Variants in B4GALNT3 observed in about 807,000 individuals in gnomAD.
B4GALNT3 encodes the protein beta-1,4-N-acetyl-galactosaminyltransferase 3, also known as beta-1,4-N-acetylgalactosaminyltransferase 3.
In B4GALNT3, 86 loss-of-function variants were observed where a neutral mutation model predicts 120.2. That is an observed-to-expected ratio of 0.72 (90% confidence interval 0.60 to 0.86). The LOEUF (loss-of-function observed/expected upper bound fraction) is 0.86. B4GALNT3 is among the 40% of genes least tolerant of loss of function. The pLI is 0.00. For synonymous variants in B4GALNT3, 518 were observed against 510.4 expected (o/e 1.01, Z -0.20); for missense variants, 1,167 against 1,298.9 (o/e 0.90, Z 1.56).
intron 1 of B4GALNT3, among the ~76,000 whole-genome samples, chr12:464,753 G>C (rs1053148749): frequency 6.6e-6 from 1 of 152,216 alleles, no homozygotes; most frequent in Non-Finnish European, 1.5e-5. Context: ...TTAAGTGCCA[G>C]GATTACTTGC....
chr12:549,106 G>A (rs1348964051), intron 9 of B4GALNT3, among the ~76,000 whole-genome samples: 1 of 152,066 alleles, frequency 6.6e-6, no homozygotes, highest in African/African-American at 2.4e-5. Context: ...CCATCCTCAG[G>A]CCCCGTTGAA....
chr12:496,917 G>A (rs985183905), intron 1 of B4GALNT3, among the ~76,000 whole-genome samples: 4 of 152,284 alleles, frequency 2.6e-5, no homozygotes, highest in African/African-American at 9.6e-5. Flanking sequence ...TTGCTCTGCC[G>A]CCCAGGCTGG....
chr12:544,903 C>A lies in B4GALNT3; in HGVS notation c.469C>A (p.Leu157Ile). ...YPHIRTTLRKLAVSPKWTNYG... is the reference protein window; with the variant it reads ...YPHIRTTLRKIAVSPKWTNYG... ...ATAGATTCGCACAACCCTGAGGAAG[C>A]TTGCTGTGTCCCCCAAATGGACCAA... is the stretch of plus-strand genomic sequence containing the variant. The change falls in exon 5 of 20, where the codon CTT (leucine) becomes ATT (isoleucine). Residue 157 changes from leucine to isoleucine, a missense_variant. By Grantham distance (5) the Leu-to-Ile change is conservative. Coordinates refer to ENST00000266383, the MANE Select transcript of B4GALNT3 (RefSeq NM_173593.4). 1 of 1,614,044 alleles carries A rather than the reference C, an allele frequency of 6.2e-7. No homozygotes were observed. The highest frequency in any genetic ancestry group is 1.3e-5 in the African/African-American group (1 of 75,036).
intron 1 of B4GALNT3, among the ~76,000 whole-genome samples, chr12:506,171 A>G (rs1046083888): frequency 1.3e-5 from 2 of 152,090 alleles, no homozygotes; most frequent in Non-Finnish European, 2.9e-5. Context: ...GGCATCCATG[A>G]TGGATCTGCT....
intron 1 of B4GALNT3, among the ~76,000 whole-genome samples, chr12:471,318 G>T (rs555020241): frequency 6.6e-6 from 1 of 151,564 alleles, no homozygotes; most frequent in South Asian, 2.1e-4. Context: ...CCAGGAGGCG[G>T]AGGTTTCAGG....
intron 1 of B4GALNT3, among the ~76,000 whole-genome samples, chr12:511,966 A>ACCTTCCG (rs1484388881): frequency 1.1e-5 from 1 of 89,316 alleles, no homozygotes; most frequent in African/African-American, 4.5e-5. Context: ...TCCACCTTCC[A>ACCTTCCG]CCTTCCGCCT....
intron 1 of B4GALNT3, among the ~76,000 whole-genome samples, chr12:512,929 CCTTCCACCTTCCACCTT>C (rs1565599050): frequency 6.7e-6 from 1 of 149,396 alleles, no homozygotes; most frequent in African/African-American, 2.5e-5. Context: ...CTGCCTTCCA[CCTTCCACCTTCCACCTT>C]CTTCCACCTT....
At chr12:554,309 C>A (rs1350058389) in intron 14 of B4GALNT3, among the ~76,000 whole-genome samples, 1 of 152,186 alleles carries the variant, frequency 6.6e-6, no homozygotes, top group Non-Finnish European at 1.5e-5. Flanking sequence ...GACAAACAGG[C>A]AAAACAGAGG....
chr12:505,236 A>G (rs1299081498), intron 1 of B4GALNT3, among the ~76,000 whole-genome samples: 1 of 152,192 alleles, frequency 6.6e-6, no homozygotes, highest in Non-Finnish European at 1.5e-5. Flanking sequence ...TAATGAGTGA[A>G]TTAATTAGTT....
At chr12:514,688 T>C (rs1946635107) in intron 1 of B4GALNT3, among the ~76,000 whole-genome samples, 1 of 151,884 alleles carries the variant, frequency 6.6e-6, no homozygotes, top group Non-Finnish European at 1.5e-5. Context: ...CAAAAAAGGG[T>C]CCATGTATAA....
At chr12:466,843 A>G (rs1193697262) in intron 1 of B4GALNT3, among the ~76,000 whole-genome samples, 1 of 152,180 alleles carries the variant, frequency 6.6e-6, no homozygotes, top group Non-Finnish European at 1.5e-5. Flanking sequence ...AAGAAAATAA[A>G]CATGCAAATC....
At chr12:474,013 A>T (rs1245031526) in intron 1 of B4GALNT3, among the ~76,000 whole-genome samples, 1 of 152,132 alleles carries the variant, frequency 6.6e-6, no homozygotes, top group African/African-American at 2.4e-5. Context: ...GATTACAAAG[A>T]CCTCAGGAAT....
Position 561,523 on chromosome 12 carries a change from T to A in B4GALNT3, c.*72T>A. The A allele has an allele frequency of 1.6e-6, 2 of 1,249,338 alleles. No individual in the cohort carries two copies. The highest frequency in any genetic ancestry group is 2.3e-6 in the Non-Finnish European group (2 of 881,806). The allele number at this position is 1,249,338 out of a possible 1,614,324, so 77.4% of individuals were successfully genotyped here. A position where few individuals can be genotyped will look rare whatever the true frequency, so the allele number is the denominator to read the frequency against. ...GTGGCTCCCCAGGGCCCTGCTACTG[T>A]TCAGGGATGGGGAGTGGGGTGACGG... On this transcript the variant is annotated 3_prime_UTR_variant, in exon 20 of 20. Coordinates refer to ENST00000266383, the MANE Select transcript of B4GALNT3 (RefSeq NM_173593.4).
intron 11 of B4GALNT3, 96 bp downstream of exon 11, chr12:551,127 C>T (rs1012534361): frequency 7.6e-6 from 8 of 1,055,518 alleles, no homozygotes; most frequent in Non-Finnish European, 9.9e-6. Context: ...TTCCCATCTT[C>T]CCAACATCCC....
chr12:501,570 G>A (rs961510422), intron 1 of B4GALNT3, among the ~76,000 whole-genome samples: 1 of 152,082 alleles, frequency 6.6e-6, no homozygotes, highest in African/African-American at 2.4e-5. Flanking sequence ...AATAGAGTGA[G>A]ACTCTGTCTC....
At chr12:476,209 A>G (rs1038583149) in intron 1 of B4GALNT3, among the ~76,000 whole-genome samples, 29 of 152,174 alleles carry the variant, frequency 1.9e-4, no homozygotes, top group African/African-American at 6.5e-4. Flanking sequence ...TACCTGTCTC[A>G]TTGTGTTTTT....
chr12:473,752 A>C (rs1013106816), intron 1 of B4GALNT3, among the ~76,000 whole-genome samples: 1 of 152,162 alleles, frequency 6.6e-6, no homozygotes, highest in African/African-American at 2.4e-5. Flanking sequence ...TCTGGGTGTT[A>C]GGGAGATCAT....
chr12:526,939 T>TTGTTTTTGTGATAGAGTC (rs1206161021), intron 1 of B4GALNT3, among the ~76,000 whole-genome samples: 1 of 152,096 alleles, frequency 6.6e-6, no homozygotes, highest in Non-Finnish European at 1.5e-5. Context: ...TTTTGTTTGT[T>TTGTTTTTGTGATAGAGTC]TGTTTTTGTG....
chr12:490,943 TA>T (rs754751663), intron 1 of B4GALNT3, among the ~76,000 whole-genome samples: 9 of 152,210 alleles, frequency 5.9e-5, no homozygotes, highest in Non-Finnish European at 1.3e-4. Flanking sequence ...TGATTTCTAC[TA>T]AACATGTAAG....
Sources: gnomAD v4.1 joint callset for allele counts (sites outside exome capture counted in the v4.1 genomes callset) on GRCh38, gnomAD v4.1.1 for gene constraint, MANE v1.5 for transcripts, NCBI Gene and HGNC (gene_info 2026-07-23, HGNC 2026-07-21) for gene names.